The following IGFBP7 variants were observed in gnomAD, a reference collection of about 807,000 sequenced individuals.
IGFBP7 encodes insulin like growth factor binding protein 7, also known as insulin-like growth factor-binding protein 7.
In IGFBP7, 31 loss-of-function variants were observed where a neutral mutation model predicts 29.4. That is an observed-to-expected ratio of 1.05 (90% confidence interval 0.79 to 1.42). The LOEUF is 1.42. Among genes scored for constraint, IGFBP7 ranks in the 40% most tolerant of loss-of-function variants. The pLI is 0.00. For missense variants in IGFBP7, 393 were observed against 395.5 expected (o/e 0.99, Z 0.05); for synonymous variants, 172 against 174.9 (o/e 0.98, Z 0.13).
intron 1 of IGFBP7, among the ~76,000 whole-genome samples, chr4:57,047,026 T>C (rs1406786587): frequency 6.6e-6 from 1 of 152,232 alleles, no homozygotes; most frequent in Admixed American, 6.5e-5. Flanking sequence ...TGATCATTCC[T>C]TAGAGGGTCT....
At chr4:57,107,411 G>T (rs1372063654) in intron 1 of IGFBP7, among the ~76,000 whole-genome samples, 1 of 152,202 alleles carries the variant, frequency 6.6e-6, no homozygotes, top group Non-Finnish European at 1.5e-5. Flanking sequence ...CCTAGACAAT[G>T]CATTTCCTAT....
At chr4:57,039,137 A>C (rs1470062810) in intron 2 of IGFBP7, among the ~76,000 whole-genome samples, 1 of 151,784 alleles carries the variant, frequency 6.6e-6, no homozygotes, top group Admixed American at 6.6e-5. Context: ...AGTTGATGGC[A>C]AATAAGTGTT....
At chr4:57,084,036 G>C (rs1725437042) in intron 1 of IGFBP7, among the ~76,000 whole-genome samples, 1 of 152,030 alleles carries the variant, frequency 6.6e-6, no homozygotes, top group Admixed American at 6.6e-5. Context: ...TTTATCTGAA[G>C]GTGTCCTATA....
intron 1 of IGFBP7, among the ~76,000 whole-genome samples, chr4:57,104,668 T>C (rs1374363934): frequency 6.6e-6 from 1 of 152,222 alleles, no homozygotes; most frequent in Non-Finnish European, 1.5e-5. Flanking sequence ...TCAAAATCTA[T>C]ACTGAAGCAT....
chr4:57,041,153 GA>G (rs1724217638), intron 1 of IGFBP7, among the ~76,000 whole-genome samples: 1 of 152,170 alleles, frequency 6.6e-6, no homozygotes, highest in South Asian at 2.1e-4. Flanking sequence ...CAATTAGGAA[GA>G]AAAATGTGTT....
At chr4:57,078,605 T>G (rs1725286046) in intron 1 of IGFBP7, among the ~76,000 whole-genome samples, 1 of 152,120 alleles carries the variant, frequency 6.6e-6, no homozygotes, top group Non-Finnish European at 1.5e-5. Context: ...TGATTTCTCT[T>G]CCTCCCCTCT....
chr4:57,065,319 A>C (rs537209726), intron 1 of IGFBP7, among the ~76,000 whole-genome samples: 1 of 152,376 alleles, frequency 6.6e-6, no homozygotes, highest in Non-Finnish European at 1.5e-5. Context: ...AGCAAAAGAG[A>C]TGAGTTTGAG....
chr4:57,044,128 A>G (rs1432943426), intron 1 of IGFBP7, among the ~76,000 whole-genome samples: 1 of 152,184 alleles, frequency 6.6e-6, no homozygotes, highest in East Asian at 1.9e-4. Flanking sequence ...AAGGAATGCA[A>G]GACAATTTTA....
intron 1 of IGFBP7, among the ~76,000 whole-genome samples, chr4:57,097,596 A>G (rs927321663): frequency 1.3e-5 from 2 of 152,216 alleles, no homozygotes; most frequent in Admixed American, 6.5e-5. Flanking sequence ...GAAACGAAAC[A>G]GCATTTAGTG....
At chr4:57,084,454 G>A (rs1027166385) in intron 1 of IGFBP7, among the ~76,000 whole-genome samples, 1 of 152,204 alleles carries the variant, frequency 6.6e-6, no homozygotes, top group Non-Finnish European at 1.5e-5. Context: ...TGAACATTTT[G>A]AGAGTAAGTC....
chr4:57,064,634 T>C (rs1191781621), intron 1 of IGFBP7, among the ~76,000 whole-genome samples: 1 of 152,192 alleles, frequency 6.6e-6, no homozygotes, highest in Non-Finnish European at 1.5e-5. Flanking sequence ...GATTCTCCTC[T>C]TGTGATAAAT....
At chr4:57,105,962 AGTG>A (rs1726021279) in intron 1 of IGFBP7, among the ~76,000 whole-genome samples, 2 of 140,954 alleles carry the variant, frequency 1.4e-5, no homozygotes, top group Admixed American at 1.5e-4. Flanking sequence ...GCAGGAGTGC[AGTG>A]GTGCTATCTT....
chr4:57,080,207 A>C (rs548170227), intron 1 of IGFBP7, among the ~76,000 whole-genome samples: 6 of 152,348 alleles, frequency 3.9e-5, no homozygotes, highest in South Asian at 2.1e-4. Flanking sequence ...ATTTCTGAAG[A>C]CTGGATTTTC....
At chr4:57,053,176 C>T (rs1724554603) in intron 1 of IGFBP7, among the ~76,000 whole-genome samples, 1 of 152,136 alleles carries the variant, frequency 6.6e-6, no homozygotes, top group African/African-American at 2.4e-5. Context: ...ACCATCACAC[C>T]TGGCTAATTT....
chr4:57,085,542 T>A (rs1725477204), intron 1 of IGFBP7, among the ~76,000 whole-genome samples: 1 of 151,244 alleles, frequency 6.6e-6, no homozygotes, highest in East Asian at 2.0e-4. Context: ...TTGTATTATT[T>A]AAAAAATGTC....
At chr4:57,077,745 C>T (rs769731187) in intron 1 of IGFBP7, among the ~76,000 whole-genome samples, 2 of 152,146 alleles carry the variant, frequency 1.3e-5, no homozygotes, top group African/African-American at 4.8e-5. Context: ...ACAGAACTGC[C>T]GCGTCACTCA....
At chr4:57,042,477 T>C (rs1379025982) in intron 1 of IGFBP7, among the ~76,000 whole-genome samples, 1 of 152,204 alleles carries the variant, frequency 6.6e-6, no homozygotes, top group Non-Finnish European at 1.5e-5. Context: ...TGACTCAGTC[T>C]CCCAAGTAGC....
chr4:57,085,975 G>A (rs936653806), intron 1 of IGFBP7, among the ~76,000 whole-genome samples: 1 of 152,168 alleles, frequency 6.6e-6, no homozygotes, highest in Non-Finnish European at 1.5e-5. Context: ...GCCCTGTCCT[G>A]GAAGGGAGCT....
At chr4:57,106,067 T>C (rs1207834381) in intron 1 of IGFBP7, among the ~76,000 whole-genome samples, 3 of 151,986 alleles carry the variant, frequency 2.0e-5, no homozygotes, top group Non-Finnish European at 4.4e-5. Context: ...CCACCACGCC[T>C]GGCTAATTTT....
Sources: gnomAD v4.1 joint callset for allele counts (sites outside exome capture counted in the v4.1 genomes callset) on GRCh38, gnomAD v4.1.1 for gene constraint, MANE v1.5 for transcripts, NCBI Gene and HGNC (gene_info 2026-07-23, HGNC 2026-07-21) for gene names.